Variants in CDH8 observed in about 807,000 individuals in gnomAD.
The protein encoded by CDH8 is cadherin-8.
CDH8 carries 17 observed loss-of-function variants against 68.1 expected under a neutral mutation model. The ratio of observed to expected loss-of-function variants is 0.25; its 90% CI spans 0.17 to 0.37. The LOEUF is 0.37. Among genes scored for constraint, CDH8 ranks in the 10% least tolerant of loss-of-function variants. The pLI is 1.00. For synonymous variants in CDH8, 372 were observed against 365.1 expected, an observed-to-expected ratio of 1.02 and a Z score of -0.21; for missense variants, 763 against 999.3, an observed-to-expected ratio of 0.76 and a Z score of 3.19.
chr16:61,968,267 G>C (rs1052250933), intron 2 of CDH8, among the ~76,000 whole-genome samples: 3 of 152,322 alleles, frequency 2.0e-5, no homozygotes, highest in East Asian at 3.9e-4. Context: ...AATGAAACAG[G>C]TTAAGTATCT....
chr16:62,001,485 A>G (rs573030857), intron 2 of CDH8, among the ~76,000 whole-genome samples: 1 of 152,282 alleles, frequency 6.6e-6, no homozygotes, highest in East Asian at 1.9e-4. Context: ...TACCTCATGG[A>G]GACAAGTAGC....
At chr16:61,675,620 A>AT (rs368975652) in intron 10 of CDH8, among the ~76,000 whole-genome samples, 1,362 of 86,686 alleles carry the variant, frequency 0.016, 29 homozygotes, top group African/African-American at 0.099. Context: ...AAAAAAAATA[A>AT]AAAAAATAAA....
chr16:61,795,565 C>T (rs1216842793), intron 7 of CDH8, among the ~76,000 whole-genome samples: 1 of 152,076 alleles, frequency 6.6e-6, no homozygotes, highest in East Asian at 1.9e-4. Context: ...CACATTTAGA[C>T]ACAAAAATAA....
chr16:61,753,269 T>G (rs1960220423), intron 8 of CDH8, among the ~76,000 whole-genome samples: 1 of 151,316 alleles, frequency 6.6e-6, no homozygotes, highest in Non-Finnish European at 1.5e-5. Context: ...AGATATGGTC[T>G]CGCTCTGTCA....
intron 10 of CDH8, among the ~76,000 whole-genome samples, chr16:61,664,976 G>A (rs1596844399): frequency 1.3e-5 from 2 of 151,920 alleles, no homozygotes; most frequent in East Asian, 3.9e-4. Context: ...TTTTCTTGTA[G>A]CAAACAAGGA....
chr16:61,990,885 GAAGGAAGGAGAAGGAAGGAAGGAA>G (rs1446301865), intron 2 of CDH8, among the ~76,000 whole-genome samples: 2 of 148,952 alleles, frequency 1.3e-5, no homozygotes, highest in Non-Finnish European at 1.5e-5. Context: ...AGGAAGGAAA[GAAGGAAGGAGAAGGAAGGAAGGAA>G]AAGGAAGGAG....
chr16:61,672,361 C>G (rs767737117), intron 10 of CDH8, among the ~76,000 whole-genome samples: 2 of 151,850 alleles, frequency 1.3e-5, no homozygotes, highest in Non-Finnish European at 1.5e-5. Context: ...TAGACAGTGC[C>G]CAGGCTCTGG....
intron 10 of CDH8, among the ~76,000 whole-genome samples, chr16:61,689,626 A>G (rs768260165): frequency 2.6e-5 from 4 of 152,074 alleles, no homozygotes; most frequent in Non-Finnish European, 4.4e-5. Flanking sequence ...TTGTTGGGAA[A>G]CAAAAGGGTC....
intron 8 of CDH8, among the ~76,000 whole-genome samples, chr16:61,751,605 A>G (rs1960167699): frequency 6.6e-6 from 1 of 152,056 alleles, no homozygotes; most frequent in Admixed American, 6.6e-5. Flanking sequence ...AAGTTGGTTC[A>G]TGGGGTCGCT....
Position 61,992,077 on chromosome 16 carries a change from T to TGTGTGTGA in CDH8, c.252+29074_252+29075insTCACACAC, listed in dbSNP as rs34925928. ...GTGTGTGTGTGTGTGTGTGTGTGTG[T>TGTGTGTGA]GAGAGAGAGAGAGAGATTTTTACAG... On this transcript the variant is annotated intron_variant, in intron 2 of 11. Transcript: ENST00000577390. Among the ~76,000 whole-genome samples, 743 of 144,224 alleles carry TGTGTGTGA rather than the reference T, an allele frequency of 5.2e-3. 2 individuals carry two copies. Among genetic ancestry groups the TGTGTGTGA allele is most frequent in the South Asian group, 0.01 (44 of 4,332 alleles). The allele number at this position is 144,224 out of a possible 152,430, so 94.6% of individuals were successfully genotyped here. A position where few individuals can be genotyped will look rare whatever the true frequency, so the allele number is the denominator to read the frequency against.
chr16:62,011,229 C>T (rs1269518315), intron 2 of CDH8, among the ~76,000 whole-genome samples: 1 of 152,184 alleles, frequency 6.6e-6, no homozygotes, highest in Non-Finnish European at 1.5e-5. Flanking sequence ...TTTCAGAACA[C>T]ACCTGCTGCA....
chr16:61,910,090 G>A (rs905161345), intron 2 of CDH8, among the ~76,000 whole-genome samples: 1 of 151,988 alleles, frequency 6.6e-6, no homozygotes. Context: ...TACTTATTAT[G>A]ATGAGCAAAT....
intron 9 of CDH8, among the ~76,000 whole-genome samples, chr16:61,719,994 AAC>A (rs10595910): frequency 0.34 from 50,079 of 146,912 alleles, 8,875 homozygotes; most frequent in African/African-American, 0.47. Context: ...CTTATTAGGT[AAC>A]ACACACACAC....
intron 3 of CDH8, among the ~76,000 whole-genome samples, chr16:61,864,300 TGG>T (rs1963210643): frequency 3.0e-5 from 3 of 100,640 alleles, no homozygotes; most frequent in Non-Finnish European, 6.7e-5. Context: ...TCCGGTTGGT[TGG>T]TTGGTTGGTT....
intron 2 of CDH8, among the ~76,000 whole-genome samples, chr16:62,011,892 C>A (rs543419972): frequency 1.3e-5 from 2 of 152,184 alleles, no homozygotes; most frequent in African/African-American, 4.8e-5. Context: ...TGAGAAAACA[C>A]GCTCATATCT....
chr16:61,762,032 A>C (rs2142971985), intron 8 of CDH8, among the ~76,000 whole-genome samples: 1 of 152,240 alleles, frequency 6.6e-6, no homozygotes, highest in Non-Finnish European at 1.5e-5. Flanking sequence ...GGATAAAATT[A>C]TAAAAATTGA....
chr16:61,822,767 G>T (rs35820737), intron 5 of CDH8, among the ~76,000 whole-genome samples: 1 of 151,832 alleles, frequency 6.6e-6, no homozygotes, highest in Non-Finnish European at 1.5e-5. Context: ...GGTTTGAGAT[G>T]ATCCCTTTTG....
intron 2 of CDH8, among the ~76,000 whole-genome samples, chr16:61,911,487 G>C: frequency 6.6e-6 from 1 of 152,012 alleles, no homozygotes; most frequent in East Asian, 1.9e-4. Context: ...TCTTTCCCAG[G>C]GTGTTACTCC....
At chr16:61,685,453 C>G (rs1435443676) in intron 10 of CDH8, among the ~76,000 whole-genome samples, 1 of 151,902 alleles carries the variant, frequency 6.6e-6, no homozygotes, top group African/African-American at 2.4e-5. Context: ...AGAGAGGAAA[C>G]AGCACTTTCA....
Sources: gnomAD v4.1 joint callset for allele counts (sites outside exome capture counted in the v4.1 genomes callset) on GRCh38, gnomAD v4.1.1 for gene constraint, MANE v1.5 for transcripts, NCBI Gene and HGNC (gene_info 2026-07-23, HGNC 2026-07-21) for gene names.